DCC: variants seen among roughly 807,000 people sequenced by gnomAD.
The protein encoded by DCC is netrin receptor DCC.
DCC carries 58 observed loss-of-function variants against 172.5 expected under a neutral mutation model. The observed-to-expected ratio is 0.34, with a 90% CI of 0.27 to 0.42. DCC has a LOEUF of 0.42. Ranked by LOEUF, DCC falls within the 10% of genes least tolerant of loss-of-function variation. The pLI is 1.00. For missense variants in DCC, 1,740 were observed against 1,791.0 expected (o/e 0.97, Z 0.51); for synonymous variants, 709 against 644.5 (o/e 1.10, Z -1.52).
At chr18:53,369,061 G>A (rs943971650) in intron 15 of DCC, among the ~76,000 whole-genome samples, 9 of 151,922 alleles carry the variant, frequency 5.9e-5, no homozygotes, top group African/African-American at 1.9e-4. Context: ...AGTTCTTCTA[G>A]TACGTGAACA....
intron 14 of DCC, among the ~76,000 whole-genome samples, chr18:53,328,918 T>G (rs576729528): frequency 1.3e-5 from 2 of 152,208 alleles, no homozygotes; most frequent in Non-Finnish European, 2.9e-5. Flanking sequence ...GACCATTGGT[T>G]TTATGAAACT....
At chr18:53,371,839 C>A (rs1250001096) in intron 15 of DCC, among the ~76,000 whole-genome samples, 1 of 151,890 alleles carries the variant, frequency 6.6e-6, no homozygotes, top group Non-Finnish European at 1.5e-5. Context: ...GACATACATG[C>A]AGCCAACAAG....
At chr18:53,129,786 A>C (rs968395943) in intron 7 of DCC, among the ~76,000 whole-genome samples, 1 of 152,162 alleles carries the variant, frequency 6.6e-6, no homozygotes, top group Non-Finnish European at 1.5e-5. Context: ...TATTAATAAA[A>C]GCTGCTATGA....
At chr18:52,873,859 C>G (rs965849482) in intron 2 of DCC, among the ~76,000 whole-genome samples, 7 of 152,120 alleles carry the variant, frequency 4.6e-5, no homozygotes, top group Admixed American at 1.3e-4. Flanking sequence ...GAGTGATTGT[C>G]CCTCAGTTCA....
chr18:53,356,147 T>C (rs948898295), intron 15 of DCC, among the ~76,000 whole-genome samples: 3 of 152,110 alleles, frequency 2.0e-5, no homozygotes, highest in Non-Finnish European at 2.9e-5. Flanking sequence ...CTCAAATTCC[T>C]GGGCTCAAGC....
intron 10 of DCC, among the ~76,000 whole-genome samples, chr18:53,207,435 T>G (rs2055670777): frequency 6.6e-6 from 1 of 152,102 alleles, no homozygotes; most frequent in Admixed American, 6.6e-5. Flanking sequence ...GTACATTGAG[T>G]AGTGTTAAAC....
At chr18:53,047,426 TAC>T (rs2042264959) in intron 5 of DCC, among the ~76,000 whole-genome samples, 7 of 45,908 alleles carry the variant, frequency 1.5e-4, no homozygotes, top group Admixed American at 2.9e-4. Context: ...TTATATATTT[TAC>T]ATATATATAT....
At chr18:52,451,036 G>A (rs1324692207) in intron 1 of DCC, among the ~76,000 whole-genome samples, 4 of 152,166 alleles carry the variant, frequency 2.6e-5, no homozygotes. Flanking sequence ...GAAAGGTTAG[G>A]TGACCAGCTA....
intron 3 of DCC, among the ~76,000 whole-genome samples, chr18:52,923,020 A>T (rs1376830139): frequency 6.6e-6 from 1 of 152,160 alleles, no homozygotes; most frequent in Non-Finnish European, 1.5e-5. Flanking sequence ...GAACTAGTAA[A>T]TGCATCAGAT....
At chr18:52,999,443 AG>A (rs2041531835) in intron 5 of DCC, among the ~76,000 whole-genome samples, 1 of 152,056 alleles carries the variant, frequency 6.6e-6, no homozygotes, top group South Asian at 2.1e-4. Flanking sequence ...CCTGTTTAGA[AG>A]GGGGCTTCTG....
chr18:52,865,055 T>C (rs1672632630), intron 2 of DCC, among the ~76,000 whole-genome samples: 1 of 151,938 alleles, frequency 6.6e-6, no homozygotes, highest in Non-Finnish European at 1.5e-5. Context: ...TTAGTATAGA[T>C]GGGGTTTCAT....
chr18:52,652,102 C>G (rs192687681), intron 1 of DCC, among the ~76,000 whole-genome samples: 14 of 152,284 alleles, frequency 9.2e-5, no homozygotes, highest in African/African-American at 3.4e-4. Flanking sequence ...AAGAACTAGG[C>G]GGTCTTGACA....
intron 1 of DCC, among the ~76,000 whole-genome samples, chr18:52,672,910 T>C (rs1040057924): frequency 1.3e-5 from 2 of 151,970 alleles, no homozygotes; most frequent in Non-Finnish European, 1.5e-5. Flanking sequence ...CTAAAAAAAA[T>C]TAAATTAGCT....
intron 26 of DCC, among the ~76,000 whole-genome samples, chr18:53,498,630 C>T (rs1480422624): frequency 1.3e-5 from 2 of 151,198 alleles, no homozygotes; most frequent in African/African-American, 2.4e-5. Context: ...TCACAGTAAC[C>T]GTGCAGAACC....
chr18:53,192,841 G>A (rs116783552), intron 9 of DCC, among the ~76,000 whole-genome samples: 3,045 of 152,214 alleles, frequency 0.02, 39 homozygotes, highest in Middle Eastern at 0.027. Flanking sequence ...CCACCTACAC[G>A]CATGCCCAGT....
chr18:52,558,760 C>T (rs969118819), intron 1 of DCC, among the ~76,000 whole-genome samples: 1 of 152,054 alleles, frequency 6.6e-6, no homozygotes. Context: ...ACAAAGAGTG[C>T]ATCTATAATT....
intron 1 of DCC, among the ~76,000 whole-genome samples, chr18:52,345,146 G>C (rs1485107066): frequency 6.6e-6 from 1 of 152,176 alleles, no homozygotes; most frequent in African/African-American, 2.4e-5. Context: ...ATCTACCTCA[G>C]ATGATAATCT....
At chr18:53,194,350 G>C (rs2055411922) in intron 9 of DCC, among the ~76,000 whole-genome samples, 1 of 152,146 alleles carries the variant, frequency 6.6e-6, no homozygotes, top group South Asian at 2.1e-4. Context: ...TTTATGAGGA[G>C]GTTAAAAGGC....
chr18:53,430,847 C>T (rs1259765712), intron 21 of DCC, among the ~76,000 whole-genome samples: 2 of 152,080 alleles, frequency 1.3e-5, no homozygotes, highest in Non-Finnish European at 2.9e-5. Context: ...AGTCATATTA[C>T]TTCTGCCAAT....
Sources: gnomAD v4.1 joint callset for allele counts (sites outside exome capture counted in the v4.1 genomes callset) on GRCh38, gnomAD v4.1.1 for gene constraint, MANE v1.5 for transcripts, NCBI Gene and HGNC (gene_info 2026-07-23, HGNC 2026-07-21) for gene names.